APCDD1: variants seen among roughly 807,000 people sequenced by gnomAD.
APCDD1 encodes protein APCDD1.
APCDD1 carries 15 observed loss-of-function variants against 38.1 expected under a neutral mutation model. The ratio of observed to expected loss-of-function variants is 0.39; its 90% CI spans 0.26 to 0.61. APCDD1 has a LOEUF of 0.61. Among genes scored for constraint, APCDD1 ranks in the 20% least tolerant of loss-of-function variants. The pLI is 0.49. For missense variants in APCDD1, 647 were observed against 696.2 expected, an observed-to-expected ratio of 0.93 and a Z score of 0.79; for synonymous variants, 261 against 279.7, an observed-to-expected ratio of 0.93 and a Z score of 0.67.
At chr18:10,477,468 C>T (rs1009625765) in intron 3 of APCDD1, 10 of 152,194 alleles carry the variant, frequency 6.6e-5, no homozygotes, top group African/African-American at 2.4e-4. Context: ...TGCTGATAGA[C>T]ACTTCTATTG....
rs560582993 is a variant in APCDD1 at position 10,463,099 on chromosome 18, G to A, written c.59-5370G>A. On this transcript the variant is annotated intron_variant, in intron 1 of 4. Coordinates refer to ENST00000355285, the MANE Select transcript of APCDD1 (RefSeq NM_153000.5). ...TGCCCCTTGTCCTAGGTCACCCCGT[G>A]CCCCCTTCTCTTAGAGCCTCCTATG... is the stretch of plus-strand genomic sequence containing the variant. Among the ~76,000 whole-genome samples the A allele has an allele frequency of 4.0e-5, 6 of 151,764 alleles. No individual in the cohort carries two copies. The South Asian group carries it at 1.3e-3, about 32-fold the overall frequency.
At position 10,472,133 on chromosome 18, in the gene APCDD1, G is replaced by T. The variant is rs1207653652; in HGVS notation, c.774+72G>T. ...ATCCTTCTTAAAGGCTTGCCATGGG[G>T]GCTCTAGGGCACCCTTGAAAGGGGG... is the stretch of plus-strand genomic sequence containing the variant. On this transcript the variant is annotated intron_variant, in intron 3 of 4. Coordinates refer to ENST00000355285, the MANE Select transcript of APCDD1 (RefSeq NM_153000.5). This position sits in a 1 kb window ranked among gnomAD's most constrained non-coding sequence, Gnocchi z 6.6. 4 of 1,592,730 alleles carry T rather than the reference G, an allele frequency of 2.5e-6. No individual in the cohort carries two copies. Among genetic ancestry groups the T allele is most frequent in the Non-Finnish European group, 3.4e-6 (4 of 1,165,134 alleles).
intron 3 of APCDD1, among the ~76,000 whole-genome samples, chr18:10,474,522 G>A (rs1374989850): frequency 6.6e-6 from 1 of 152,230 alleles, no homozygotes; most frequent in Non-Finnish European, 1.5e-5. Flanking sequence ...TGTGGGCTCC[G>A]AACCCGACCT....
chr18:10,455,165 C>T, intron 1 of APCDD1, 126 bp downstream of exon 1: 3 of 1,403,104 alleles, frequency 2.1e-6, no homozygotes, highest in Non-Finnish European at 2.8e-6. Context: ...GGGGCGGGTC[C>T]GAGGGGAGCC....
chr18:10,477,265 C>T (rs954686257), intron 3 of APCDD1: 6 of 152,176 alleles, frequency 3.9e-5, no homozygotes, highest in African/African-American at 1.4e-4. Flanking sequence ...GGAAGGAGAA[C>T]CCTAGAAGAA....
At chr18:10,455,109 A>T (rs2030341505) in intron 1 of APCDD1, 70 bp downstream of exon 1, 3 of 1,540,130 alleles carry the variant, frequency 1.9e-6, no homozygotes, top group African/African-American at 1.4e-5. Context: ...GAGCCCGCGG[A>T]GGCGTCGGGT....
At chr18:10,464,204 C>A (rs2030643768) in intron 1 of APCDD1, among the ~76,000 whole-genome samples, 1 of 152,008 alleles carries the variant, frequency 6.6e-6, no homozygotes, top group African/African-American at 2.4e-5. Flanking sequence ...ACCACTCCCT[C>A]TCTCTCTGCC....
rs1200950298 is a variant in APCDD1, at chr18:10,475,446, T to A, written c.774+3385T>A. ...AAGTTATAAAATAGCGTGAATAATA[T>A]GATACCATCTGCATAAAACTAATAA... On this transcript the variant is annotated intron_variant, in intron 3 of 4. Coordinates refer to ENST00000355285, the MANE Select transcript of APCDD1 (RefSeq NM_153000.5). This position sits in a 1 kb window ranked among gnomAD's most constrained non-coding sequence, Gnocchi z 4.0. Among the ~76,000 whole-genome samples, 1 of 152,174 alleles carries A rather than the reference T, an allele frequency of 6.6e-6. No homozygotes were observed. Among genetic ancestry groups the A allele is most frequent in the African/African-American group, 2.4e-5 (1 of 41,458 alleles).
At chr18:10,465,779 T>G (rs1462334859) in intron 1 of APCDD1, among the ~76,000 whole-genome samples, 1 of 152,230 alleles carries the variant, frequency 6.6e-6, no homozygotes. Flanking sequence ...GTGACTGTTG[T>G]TAAGGCATCA....
chr18:10,483,219 C>G (rs1386866362), intron 3 of APCDD1, among the ~76,000 whole-genome samples: 1 of 152,230 alleles, frequency 6.6e-6, no homozygotes, highest in South Asian at 2.1e-4. Context: ...AAGCTCTGGC[C>G]TAATGGGCCT....
chr18:10,480,454 A>G (rs758239884), intron 3 of APCDD1, among the ~76,000 whole-genome samples: 1 of 152,250 alleles, frequency 6.6e-6, no homozygotes, highest in African/African-American at 2.4e-5. Context: ...GAGAATTAGC[A>G]TAAATGATAT....
At position 10,471,535 on chromosome 18, in the gene APCDD1, A is replaced by C; in HGVS notation, c.248A>C (p.Glu83Ala). 1 of 1,614,162 alleles carries C rather than the reference A, an allele frequency of 6.2e-7. No homozygotes were observed. Among genetic ancestry groups the C allele is most frequent in the Non-Finnish European group, 8.5e-7 (1 of 1,180,042 alleles). The change falls in exon 3 of 5, where the codon GAA (glutamate) becomes GCA (alanine). Residue 83 changes from glutamate to alanine, a missense_variant. Transcript: ENST00000355285. This position sits in a 1 kb window ranked among gnomAD's most constrained non-coding sequence, Gnocchi z 5.5. ...CTTCCCCTTTTCTTGCCCAGCTGTG[A>C]AGTAAGGTCAGGCCCAGAGTTCATC... ...IEGHWVSTGCEVRSGPEFITR... is the reference protein window; with the variant it reads ...IEGHWVSTGCAVRSGPEFITR...
Position 10,472,068 on chromosome 18 carries a change from C to T in APCDD1, c.774+7C>T, listed in dbSNP as rs1568004551. 1 of 1,613,090 alleles carries T rather than the reference C, an allele frequency of 6.2e-7. No individual in the cohort carries two copies. Among genetic ancestry groups the T allele is most frequent in the Admixed American group, 1.7e-5 (1 of 60,006 alleles). On this transcript the variant is annotated splice_region_variant and intron_variant, in intron 3 of 4. Transcript: ENST00000355285. This position sits in a 1 kb window ranked among gnomAD's most constrained non-coding sequence, Gnocchi z 6.6. ...CCCTCTGCAGAATGCCAAGGTACCT[C>T]AGAGCTCTGTGTTCTCCTCTTTATT... is the stretch of plus-strand genomic sequence containing the variant.
rs2030876442 is a variant in APCDD1 at position 10,472,128 on chromosome 18, A to G, written c.774+67A>G. On this transcript the variant is annotated intron_variant, in intron 3 of 4. Transcript: ENST00000355285. The surrounding 1 kb of genome is among the most constrained non-coding windows in gnomAD (Gnocchi z 6.6). ...GGGTGATCCTTCTTAAAGGCTTGCC[A>G]TGGGGGCTCTAGGGCACCCTTGAAA... The G allele has an allele frequency of 1.9e-6, 3 of 1,604,308 alleles. No individual in the cohort carries two copies. The highest frequency in any genetic ancestry group is 8.5e-7 in the Non-Finnish European group (1 of 1,174,784).
At chr18:10,455,191 C>T (rs1440029949) in intron 1 of APCDD1, 152 bp downstream of exon 1, 2 of 1,352,244 alleles carry the variant, frequency 1.5e-6, no homozygotes, top group African/African-American at 1.5e-5. Context: ...CCTGCCGTCT[C>T]AGCCCTGGGA....
In APCDD1 at chr18:10,473,338, G is replaced by A. The variant is rs117294705; in HGVS notation, c.774+1277G>A. Reference sequence around the variant, plus strand: ...AATCTTTTCATGGCTGTGTCCCCGCGTGTGAGATGAAGCCCTGTGCTCAGC... The same window carrying A: ...AATCTTTTCATGGCTGTGTCCCCGCATGTGAGATGAAGCCCTGTGCTCAGC... On this transcript the variant is annotated intron_variant, in intron 3 of 4. Coordinates refer to ENST00000355285, the MANE Select transcript of APCDD1 (RefSeq NM_153000.5). Among the ~76,000 whole-genome samples, 917 of 152,276 alleles carry A rather than the reference G, an allele frequency of 6.0e-3. 8 individuals are homozygous for A. The highest frequency in any genetic ancestry group is 0.02 in the Middle Eastern group (6 of 294).
chr18:10,484,152 C>G (rs2031197540), intron 3 of APCDD1, among the ~76,000 whole-genome samples: 1 of 152,242 alleles, frequency 6.6e-6, no homozygotes, highest in African/African-American at 2.4e-5. Flanking sequence ...CTGTGGCCGT[C>G]TTGCTTAAAG....
Position 10,464,311 on chromosome 18 carries a change from AACACAC to A in APCDD1, c.59-4130_59-4125del, listed in dbSNP as rs541648834. 4.4e-4 allele frequency among the ~76,000 whole-genome samples: 64 copies of A among 147,096 alleles called. No individual in the cohort carries two copies. In the East Asian group the frequency reaches 6.2e-3, roughly 14 times the overall value. On this transcript the variant is annotated intron_variant, in intron 1 of 4. Coordinates refer to ENST00000355285, the MANE Select transcript of APCDD1 (RefSeq NM_153000.5). Reference sequence around the variant, plus strand: ...GTGAGACCTTAAAAGCTTCAAAGTAAACACACACACACACACACACACACACACACA... The same window carrying A: ...GTGAGACCTTAAAAGCTTCAAAGTAAACACACACACACACACACACACACA...
At chr18:10,474,734 T>C (rs1303238707) in intron 3 of APCDD1, among the ~76,000 whole-genome samples, 1 of 152,186 alleles carries the variant, frequency 6.6e-6, no homozygotes, top group African/African-American at 2.4e-5. Flanking sequence ...CAGTCAGCAT[T>C]GTTAAGGCTG....
Sources: gnomAD v4.1 joint callset for allele counts (sites outside exome capture counted in the v4.1 genomes callset) on GRCh38, gnomAD v4.1.1 for gene constraint, Gnocchi (gnomAD v3.1) non-coding constraint, MANE v1.5 for transcripts, NCBI Gene and HGNC (gene_info 2026-07-23, HGNC 2026-07-21) for gene names.